Variants in PCDH9 observed in about 807,000 individuals in gnomAD.
The protein encoded by PCDH9 is protocadherin-9.
In PCDH9, 24 loss-of-function variants were observed where a neutral mutation model predicts 70.6. The ratio of observed to expected loss-of-function variants is 0.34; its 90% CI spans 0.25 to 0.48. The LOEUF is 0.48. Ranked by LOEUF, PCDH9 falls within the 20% of genes least tolerant of loss-of-function variation. The probability of loss-of-function intolerance (pLI) is 0.99; values close to 1 mark genes in which losing one functional copy is unlikely to be tolerated. For missense variants in PCDH9, 1,281 were observed against 1,503.6 expected (o/e 0.85, Z 2.45); for synonymous variants, 562 against 558.5 (o/e 1.01, Z -0.09).
intron 2 of PCDH9, among the ~76,000 whole-genome samples, chr13:67,182,090 T>G (rs958724918): frequency 6.6e-6 from 1 of 152,184 alleles, no homozygotes; most frequent in African/African-American, 2.4e-5. Context: ...AGTTTCAAGT[T>G]TCAGGGCATT....
chr13:66,760,231 C>T (rs1472379055), intron 3 of PCDH9, among the ~76,000 whole-genome samples: 1 of 152,102 alleles, frequency 6.6e-6, no homozygotes, highest in Non-Finnish European at 1.5e-5. Flanking sequence ...CATATTAAAA[C>T]TCCCTTTTAT....
At chr13:66,314,349 G>C (rs1030520685) in intron 4 of PCDH9, among the ~76,000 whole-genome samples, 1 of 152,136 alleles carries the variant, frequency 6.6e-6, no homozygotes, top group Non-Finnish European at 1.5e-5. Flanking sequence ...GGTAGGTTTG[G>C]GGGGTAAGTC....
chr13:66,972,382 A>G (rs1228314881), intron 2 of PCDH9, among the ~76,000 whole-genome samples: 1 of 151,986 alleles, frequency 6.6e-6, no homozygotes, highest in Admixed American at 6.6e-5. Context: ...AAAAAAATTA[A>G]TAACTTTCTC....
chr13:66,978,475 C>A (rs1056828464), intron 2 of PCDH9: 1 of 151,826 alleles, frequency 6.6e-6, no homozygotes, highest in Non-Finnish European at 1.5e-5. Context: ...CTTAAAGGTA[C>A]CTATTGTGCA....
chr13:67,160,588 T>A (rs2087930322), intron 2 of PCDH9, among the ~76,000 whole-genome samples: 4 of 144,146 alleles, frequency 2.8e-5, no homozygotes, highest in South Asian at 2.2e-4. Flanking sequence ...TTTTTTTTTT[T>A]ATTTTAGGGT....
At chr13:66,886,869 C>T (rs187409813) in intron 3 of PCDH9, among the ~76,000 whole-genome samples, 72 of 152,168 alleles carry the variant, frequency 4.7e-4, no homozygotes, top group Admixed American at 9.2e-4. Flanking sequence ...GAATATTCTA[C>T]AATTCATGCA....
At chr13:66,435,951 C>A (rs1311937761) in intron 4 of PCDH9, among the ~76,000 whole-genome samples, 1 of 151,786 alleles carries the variant, frequency 6.6e-6, no homozygotes, top group Non-Finnish European at 1.5e-5. Flanking sequence ...TTCATTCTGA[C>A]GTTTCACATA....
At chr13:66,328,253 A>G (rs1343131692) in intron 4 of PCDH9, among the ~76,000 whole-genome samples, 2 of 152,260 alleles carry the variant, frequency 1.3e-5, no homozygotes, top group East Asian at 3.9e-4. Context: ...TTCTTTTTGT[A>G]ATTATAGAAA....
At chr13:66,617,962 A>AG (rs1338690939) in intron 4 of PCDH9, among the ~76,000 whole-genome samples, 2 of 152,054 alleles carry the variant, frequency 1.3e-5, no homozygotes, top group African/African-American at 4.8e-5. Flanking sequence ...GTCAGGTGGG[A>AG]GGGGGTCCCT....
intron 4 of PCDH9, among the ~76,000 whole-genome samples, chr13:66,522,691 A>G (rs1222290492): frequency 6.6e-6 from 1 of 151,992 alleles, no homozygotes; most frequent in African/African-American, 2.4e-5. Context: ...AGGCTATGTG[A>G]CCACGGAGAT....
intron 4 of PCDH9, among the ~76,000 whole-genome samples, chr13:66,468,174 C>T (rs1399216912): frequency 6.6e-6 from 1 of 152,066 alleles, no homozygotes; most frequent in African/African-American, 2.4e-5. Context: ...ACTCTCTCAT[C>T]CCAGGAAATA....
At chr13:67,076,584 G>A (rs1188487751) in intron 2 of PCDH9, among the ~76,000 whole-genome samples, 1 of 152,136 alleles carries the variant, frequency 6.6e-6, no homozygotes, top group African/African-American at 2.4e-5. Context: ...TGTCAGGAAA[G>A]ACTTCTCCAC....
chr13:66,304,647 G>T lies in PCDH9; in HGVS notation c.*8C>A, dbSNP rs1440022200. 2 of 1,609,294 alleles carry T rather than the reference G, an allele frequency of 1.2e-6. No individual in the cohort carries two copies. The highest frequency in any genetic ancestry group is 1.7e-6 in the Non-Finnish European group (2 of 1,176,210). On this transcript the variant is annotated 3_prime_UTR_variant, in exon 5 of 5. Transcript: ENST00000377865. ...ATTTAAAGTTATTAGGTCCCATATA[G>T]CCTTTTCTTAGAGTTGGTGCTCCTT...
chr13:67,156,098 G>T (rs2087804255), intron 2 of PCDH9, among the ~76,000 whole-genome samples: 1 of 151,980 alleles, frequency 6.6e-6, no homozygotes, highest in South Asian at 2.1e-4. Flanking sequence ...TAGAGGAAGG[G>T]TGTGGTCCCT....
intron 3 of PCDH9, among the ~76,000 whole-genome samples, chr13:66,701,975 C>T (rs1273133400): frequency 3.3e-5 from 5 of 152,136 alleles, no homozygotes; most frequent in Non-Finnish European, 5.9e-5. Context: ...AGCTGGGCAA[C>T]GCGCAGGTAC....
intron 3 of PCDH9, among the ~76,000 whole-genome samples, chr13:66,790,477 C>A (rs1289234020): frequency 6.6e-6 from 1 of 151,864 alleles, no homozygotes; most frequent in Non-Finnish European, 1.5e-5. Flanking sequence ...ATAATTGTGC[C>A]TGCTTTATAA....
intron 2 of PCDH9, chr13:67,001,757 A>G (rs2084250064): frequency 6.6e-6 from 1 of 152,256 alleles, no homozygotes; most frequent in Non-Finnish European, 1.5e-5. Context: ...TGAGGAGACC[A>G]TCTTTGTCAC....
intron 2 of PCDH9, among the ~76,000 whole-genome samples, chr13:67,106,531 T>G (rs2138255230): frequency 6.6e-6 from 1 of 152,344 alleles, no homozygotes; most frequent in East Asian, 1.9e-4. Flanking sequence ...ATTCTAATTT[T>G]AATATGGTAT....
intron 2 of PCDH9, among the ~76,000 whole-genome samples, chr13:66,932,108 G>A (rs1474419228): frequency 2.6e-5 from 4 of 152,110 alleles, no homozygotes; most frequent in Non-Finnish European, 5.9e-5. Flanking sequence ...AAATTGTGCA[G>A]TCTCTTTCTG....
Sources: allele counts gnomAD v4.1 joint callset (sites outside exome capture counted in the v4.1 genomes callset), GRCh38; gene constraint gnomAD v4.1.1; transcripts MANE v1.5; gene names NCBI Gene and HGNC (gene_info 2026-07-23, HGNC 2026-07-21).